The following IQCM variants were observed in gnomAD, a reference collection of about 807,000 sequenced individuals.
The protein encoded by IQCM is IQ domain-containing protein M.
A neutral mutation model predicts 57.6 loss-of-function variants in IQCM; 45 were observed. The ratio of observed to expected loss-of-function variants is 0.78; its 90% CI spans 0.62 to 1.00. IQCM has a LOEUF of 1.00. Among genes scored for constraint, IQCM ranks in the 50% least tolerant of loss-of-function variants. IQCM has a pLI of 0.00. For missense variants in IQCM, 468 were observed against 511.6 expected (o/e 0.91, Z 0.82); for synonymous variants, 148 against 158.9 (o/e 0.93, Z 0.51).
chr4:149,377,145 C>T (rs982264911), intron 13 of IQCM, among the ~76,000 whole-genome samples: 7 of 151,752 alleles, frequency 4.6e-5, no homozygotes, highest in African/African-American at 7.3e-5. Flanking sequence ...GTCCATCTAA[C>T]GAAAAAGTAT....
chr4:149,766,547 G>T (rs1163652932), intron 2 of IQCM, among the ~76,000 whole-genome samples: 1 of 152,034 alleles, frequency 6.6e-6, no homozygotes, highest in African/African-American at 2.4e-5. Context: ...TAACTCTCCA[G>T]TCCTTCCTCA....
chr4:149,356,004 A>G (rs1042253624), intron 13 of IQCM, among the ~76,000 whole-genome samples: 16 of 152,116 alleles, frequency 1.1e-4, no homozygotes, highest in Admixed American at 5.9e-4. Context: ...GTGATGATGA[A>G]CATTTTTTCA....
intron 8 of IQCM, among the ~76,000 whole-genome samples, chr4:149,606,186 A>G (rs1754760401): frequency 6.6e-6 from 1 of 152,010 alleles, no homozygotes; most frequent in Admixed American, 6.6e-5. Context: ...GCCATTTGTG[A>G]TGGCCATGGG....
rs778030713 is a variant in IQCM, at chr4:149,815,692, T to A, written c.-179A>T. The A allele has an allele frequency of 2.0e-5, 3 of 152,004 alleles. No homozygotes were observed. Among genetic ancestry groups the A allele is most frequent in the Non-Finnish European group, 4.4e-5 (3 of 67,922 alleles). The allele number at this position is 152,004 out of a possible 1,614,324, so 9.4% of individuals were successfully genotyped here. On this transcript the variant is annotated 5_prime_UTR_variant, in exon 1 of 14. Coordinates refer to ENST00000636793, the MANE Select transcript of IQCM (RefSeq NM_001363507.2). Reference sequence around the variant, plus strand: ...GTTGCTTCACAGCATAGAAACCTTGTATTCTTCCTTTATTATTTATCTTTA... The same window carrying A: ...GTTGCTTCACAGCATAGAAACCTTGAATTCTTCCTTTATTATTTATCTTTA...
chr4:149,590,786 C>T (rs527503873), intron 8 of IQCM, among the ~76,000 whole-genome samples: 2 of 152,086 alleles, frequency 1.3e-5, no homozygotes, highest in South Asian at 4.2e-4. Flanking sequence ...TGAGCTCATC[C>T]TTTTTTATAG....
At chr4:149,695,731 C>CA (rs1763286654) in intron 5 of IQCM, among the ~76,000 whole-genome samples, 1 of 152,074 alleles carries the variant, frequency 6.6e-6, no homozygotes, top group Non-Finnish European at 1.5e-5. Context: ...AGGTTCCTGG[C>CA]AGAAAACAGA....
intron 8 of IQCM, 96 bp downstream of exon 8, chr4:149,621,033 C>T (rs753931785): frequency 1.6e-4 from 75 of 468,640 alleles, no homozygotes; most frequent in Non-Finnish European, 2.3e-4. Flanking sequence ...TGAAACAGGT[C>T]CATAGTAAAA....
intron 5 of IQCM, among the ~76,000 whole-genome samples, chr4:149,692,843 T>C (rs796857269): frequency 2.6e-4 from 39 of 152,118 alleles, no homozygotes; most frequent in African/African-American, 9.2e-4. Context: ...GAAATATAAA[T>C]TATAAATAAC....
chr4:149,754,019 C>T (rs1768723096), intron 2 of IQCM, among the ~76,000 whole-genome samples: 1 of 152,006 alleles, frequency 6.6e-6, no homozygotes, highest in Admixed American at 6.5e-5. Flanking sequence ...TTTTCTCTTC[C>T]CATTCTCTTT....
chr4:149,462,460 G>A (rs1738406095), intron 12 of IQCM, among the ~76,000 whole-genome samples: 1 of 152,172 alleles, frequency 6.6e-6, no homozygotes. Flanking sequence ...GTAGAGGATG[G>A]AGTGTTAGAG....
intron 2 of IQCM, among the ~76,000 whole-genome samples, chr4:149,796,644 G>A (rs759778790): frequency 6.6e-6 from 1 of 152,154 alleles, no homozygotes; most frequent in African/African-American, 2.4e-5. Flanking sequence ...TTTACACAGT[G>A]CAGTCATAGT....
chr4:149,694,215 TTTC>T (rs1763148462), intron 5 of IQCM, among the ~76,000 whole-genome samples: 1 of 147,872 alleles, frequency 6.8e-6, no homozygotes, highest in Non-Finnish European at 1.5e-5. Flanking sequence ...CATGGATTAA[TTTC>T]TTTTTTTTTT....
rs542214109 is a variant in IQCM at position 149,502,176 on chromosome 4, ATATG to A, written c.1228+46275_1228+46278del. Among the ~76,000 whole-genome samples, 260 of 152,090 alleles carry A rather than the reference ATATG, an allele frequency of 1.7e-3. 1 individual carries two copies. The highest frequency in any genetic ancestry group is 3.1e-3 in the Non-Finnish European group (209 of 67,988). On this transcript the variant is annotated intron_variant, in intron 12 of 13. Transcript: ENST00000636793. Reference sequence around the variant, plus strand: ...TACACACACACACACACACACATATATATGTATGTATGTACTTTTCCCTAAGTAC... The same window carrying A: ...TACACACACACACACACACACATATATATGTATGTACTTTTCCCTAAGTAC...
chr4:149,355,912 C>T (rs1480353836), intron 13 of IQCM, among the ~76,000 whole-genome samples: 3 of 152,050 alleles, frequency 2.0e-5, no homozygotes, highest in African/African-American at 7.2e-5. Flanking sequence ...CCTGTTGTTT[C>T]CTGACTTTTT....
chr4:149,399,281 C>G (rs1309030104), intron 13 of IQCM, among the ~76,000 whole-genome samples: 1 of 151,948 alleles, frequency 6.6e-6, no homozygotes, highest in Non-Finnish European at 1.5e-5. Context: ...ATGACTCCTC[C>G]CTAGCAGGTT....
intron 2 of IQCM, among the ~76,000 whole-genome samples, chr4:149,774,291 C>T (rs1302772493): frequency 6.6e-6 from 1 of 152,034 alleles, no homozygotes; most frequent in Non-Finnish European, 1.5e-5. Context: ...ACACGCTGGT[C>T]CTGAAACAGA....
chr4:149,519,826 A>C (rs1342366931), intron 12 of IQCM, among the ~76,000 whole-genome samples: 1 of 151,322 alleles, frequency 6.6e-6, no homozygotes, highest in Non-Finnish European at 1.5e-5. Flanking sequence ...AACACGGTGA[A>C]ACCCTGTCTC....
intron 12 of IQCM, among the ~76,000 whole-genome samples, chr4:149,516,761 C>T (rs1745013538): frequency 6.6e-6 from 1 of 151,876 alleles, no homozygotes; most frequent in South Asian, 2.1e-4. Context: ...GTTCTGCTTG[C>T]CTAGAAGTCT....
intron 12 of IQCM, among the ~76,000 whole-genome samples, chr4:149,456,756 C>T (rs575944725): frequency 2.0e-5 from 3 of 152,098 alleles, no homozygotes; most frequent in South Asian, 4.2e-4. Flanking sequence ...CTTTATGGCC[C>T]GCTTCAGAAG....
Sources: allele counts gnomAD v4.1 joint callset (sites outside exome capture counted in the v4.1 genomes callset), GRCh38; gene constraint gnomAD v4.1.1; transcripts MANE v1.5; gene names NCBI Gene and HGNC (gene_info 2026-07-23, HGNC 2026-07-21).